The following SLC39A10 variants were observed in gnomAD, a reference collection of about 807,000 sequenced individuals.
The protein encoded by SLC39A10 is solute carrier family 39 member 10.
In SLC39A10, 13 loss-of-function variants were observed where a neutral mutation model predicts 65.1. The observed-to-expected ratio is 0.20, with a 90% CI of 0.13 to 0.32. SLC39A10 has a LOEUF of 0.32. Ranked by LOEUF, SLC39A10 falls within the 10% of genes least tolerant of loss-of-function variation. The pLI, the probability that SLC39A10 is intolerant of heterozygous loss-of-function variation, is 1.00. For missense variants in SLC39A10, 831 were observed against 1,018.4 expected (o/e 0.82, Z 2.50); for synonymous variants, 321 against 342.2 (o/e 0.94, Z 0.68).
rs139534311 is a variant in SLC39A10 at position 195,638,494 on chromosome 2, C to T, written c.-12+32261C>T. Among the ~76,000 whole-genome samples the T allele has an allele frequency of 7.5e-3, 1,143 of 152,106 alleles. 16 individuals are homozygous for T. Among genetic ancestry groups the T allele is most frequent in the African/African-American group, 0.026 (1,083 of 41,462 alleles). On this transcript the variant is annotated intron_variant, in intron 2 of 2. Transcript: ENST00000458054. ...AGCTGAGACTACAGGCACCTGCCAC[C>T]ACACTCGGCTAATTTTTGTATTTTT...
At chr2:195,686,462 A>G (rs1345186567) in intron 3 of SLC39A10, among the ~76,000 whole-genome samples, 2 of 152,294 alleles carry the variant, frequency 1.3e-5, no homozygotes, top group East Asian at 3.9e-4. Flanking sequence ...AGGCAGGAGA[A>G]TTGCTTGAAC....
chr2:195,702,330 A>T (rs1375210917), intron 3 of SLC39A10, among the ~76,000 whole-genome samples: 1 of 152,196 alleles, frequency 6.6e-6, no homozygotes, highest in Non-Finnish European at 1.5e-5. Context: ...GGTCCTGTAG[A>T]TTGAATTCAG....
chr2:195,632,276 T>C (rs1688599961), intron 2 of SLC39A10, among the ~76,000 whole-genome samples: 1 of 144,206 alleles, frequency 6.9e-6, no homozygotes, highest in African/African-American at 2.6e-5. Flanking sequence ...GGTCACCAGC[T>C]CTCATTCTAC....
chr2:195,660,008 A>G (rs1008122946), intron 1 of SLC39A10, among the ~76,000 whole-genome samples: 7 of 152,156 alleles, frequency 4.6e-5, no homozygotes, highest in East Asian at 1.9e-4. Flanking sequence ...CTAATTTATA[A>G]TAACATGTGC....
chr2:195,681,399 G>A (rs1016856485), intron 2 of SLC39A10, among the ~76,000 whole-genome samples: 3 of 152,014 alleles, frequency 2.0e-5, no homozygotes, highest in Admixed American at 6.6e-5. Context: ...GGTGGCGGGC[G>A]CCTGTAGCCC....
intron 2 of SLC39A10, among the ~76,000 whole-genome samples, chr2:195,625,608 A>G (rs1049305042): frequency 6.6e-6 from 1 of 152,142 alleles, no homozygotes; most frequent in African/African-American, 2.4e-5. Context: ...CAGTTATATA[A>G]GGAGTCCATT....
intron 2 of SLC39A10, among the ~76,000 whole-genome samples, chr2:195,637,893 T>TA (rs1323064098): frequency 6.6e-6 from 1 of 152,166 alleles, no homozygotes; most frequent in East Asian, 1.9e-4. Context: ...TGTGAGATAA[T>TA]ATGAAGTGAT....
At chr2:195,716,467 C>T (rs1691813743) in intron 6 of SLC39A10, among the ~76,000 whole-genome samples, 170 bp from the exon 7 acceptor site, 1 of 151,858 alleles carries the variant, frequency 6.6e-6, no homozygotes, top group African/African-American at 2.4e-5. Flanking sequence ...TAATTTAACT[C>T]CAGAAATCAT....
At chr2:195,641,464 C>T (rs1199083308) in intron 2 of SLC39A10, among the ~76,000 whole-genome samples, 3 of 152,044 alleles carry the variant, frequency 2.0e-5, no homozygotes, top group Non-Finnish European at 4.4e-5. Flanking sequence ...AATGAGTCAA[C>T]AGAAATTTTA....
intron 6 of SLC39A10, among the ~76,000 whole-genome samples, chr2:195,715,344 G>A (rs1167136376): frequency 6.6e-6 from 1 of 151,770 alleles, no homozygotes; most frequent in Admixed American, 6.6e-5. Flanking sequence ...TGACCAATAT[G>A]GTGAAACCCC....
At chr2:195,641,679 A>G (rs1688812872) in intron 2 of SLC39A10, among the ~76,000 whole-genome samples, 2 of 148,254 alleles carry the variant, frequency 1.3e-5, no homozygotes, top group African/African-American at 2.5e-5. Context: ...ATTAGATAGT[A>G]TAGTTCTTTT....
intron 2 of SLC39A10, among the ~76,000 whole-genome samples, chr2:195,683,139 A>T (rs1690394241): frequency 7.0e-6 from 1 of 143,584 alleles, no homozygotes; most frequent in African/African-American, 2.5e-5. Context: ...CTCCTCTTTA[A>T]TCAGTTTTAA....
chr2:195,663,407 GC>G (rs1439178313), intron 1 of SLC39A10, among the ~76,000 whole-genome samples: 2 of 152,120 alleles, frequency 1.3e-5, no homozygotes, highest in African/African-American at 2.4e-5. Flanking sequence ...GATGAAAGGG[GC>G]TAGGGAAAGA....
intron 8 of SLC39A10, among the ~76,000 whole-genome samples, chr2:195,720,437 G>GA (rs772507198): frequency 6.6e-6 from 1 of 152,118 alleles, no homozygotes; most frequent in Non-Finnish European, 1.5e-5. Flanking sequence ...TAATTTGAAA[G>GA]AAAAAATGCT....
Position 195,716,935 on chromosome 2 carries a change from A to G in SLC39A10, c.1995A>G (p.Gly665=). 6.2e-7 allele frequency: 1 copy of G among 1,614,224 alleles called. No individual in the cohort carries two copies. Among genetic ancestry groups the G allele is most frequent in the Non-Finnish European group, 8.5e-7 (1 of 1,180,034 alleles). The change falls in exon 7 of 10, where the codon GGA becomes GGG. Residue 665 remains glycine (G), a synonymous_variant. Coordinates refer to ENST00000359634, the MANE Select transcript of SLC39A10 (RefSeq NM_020342.3). ...CTGGATCCGATCTGAAAGAAACAGG[A>G]ATAGCTAATATAGCCTGGATGGTGA... is the stretch of plus-strand genomic sequence containing the variant. ...CHSGSDLKET[G]IANIAWMVIM...
At chr2:195,677,526 C>T (rs1312344355) in intron 1 of SLC39A10, among the ~76,000 whole-genome samples, 1 of 136,880 alleles carries the variant, frequency 7.3e-6, no homozygotes, top group East Asian at 2.0e-4. Flanking sequence ...ACAGTGACAT[C>T]CTGTCTCAAA....
At chr2:195,673,369 T>C (rs1184154308) in intron 1 of SLC39A10, among the ~76,000 whole-genome samples, 1 of 152,114 alleles carries the variant, frequency 6.6e-6, no homozygotes, top group East Asian at 1.9e-4. Context: ...GCCATGTTGC[T>C]CAGGCTGGTC....
chr2:195,703,069 G>A (rs1691253984), intron 3 of SLC39A10, among the ~76,000 whole-genome samples: 1 of 152,150 alleles, frequency 6.6e-6, no homozygotes, highest in Non-Finnish European at 1.5e-5. Context: ...GGCTCTGAAG[G>A]AACCTGTGTA....
chr2:195,627,811 T>C (rs551991623), intron 2 of SLC39A10, among the ~76,000 whole-genome samples: 210 of 152,258 alleles, frequency 1.4e-3, no homozygotes, highest in African/African-American at 4.5e-3. Flanking sequence ...AAAAAAGCAC[T>C]GAAGAGGAAA....
Sources: allele counts gnomAD v4.1 joint callset (sites outside exome capture counted in the v4.1 genomes callset), GRCh38; gene constraint gnomAD v4.1.1; transcripts MANE v1.5; gene names NCBI Gene and HGNC (gene_info 2026-07-23, HGNC 2026-07-21).